The following TBXAS1 variants were observed in gnomAD, a reference collection of about 807,000 sequenced individuals.
TBXAS1 encodes thromboxane A synthase 1, also known as thromboxane-A synthase.
Under a neutral mutation model 60.7 loss-of-function variants are expected in TBXAS1, and 48 were observed. The observed-to-expected ratio is 0.79, with a 90% confidence interval of 0.63 to 1.01. The LOEUF (loss-of-function observed/expected upper bound fraction) is 1.01. Ranked by LOEUF, TBXAS1 falls within the 50% of genes least tolerant of loss-of-function variation. The pLI, the probability that TBXAS1 is intolerant of heterozygous loss-of-function variation, is 0.00. For synonymous variants in TBXAS1, 287 were observed against 269.7 expected (o/e 1.06, Z -0.63); for missense variants, 685 against 686.3 (o/e 1.00, Z 0.02).
At chr7:139,993,707 A>G (rs1813087784) in intron 9 of TBXAS1, among the ~76,000 whole-genome samples, 1 of 152,092 alleles carries the variant, frequency 6.6e-6, no homozygotes, top group Non-Finnish European at 1.5e-5. Flanking sequence ...AATGCAATGT[A>G]GCAGTGAGCA....
intron 4 of TBXAS1, among the ~76,000 whole-genome samples, chr7:139,925,927 T>A (rs1806841695): frequency 6.6e-6 from 1 of 152,224 alleles, no homozygotes; most frequent in Non-Finnish European, 1.5e-5. Flanking sequence ...ATTGATATGA[T>A]GTATCACATT....
chr7:139,959,910 C>G (rs552077731), intron 8 of TBXAS1, among the ~76,000 whole-genome samples: 82 of 152,236 alleles, frequency 5.4e-4, no homozygotes, highest in African/African-American at 1.7e-3. Flanking sequence ...CTTGCCTGAC[C>G]CTGCCCCAGC....
At chr7:139,963,016 C>G (rs771995439) in intron 9 of TBXAS1, 6 of 152,172 alleles carry the variant, frequency 3.9e-5, no homozygotes, top group Non-Finnish European at 8.8e-5. Flanking sequence ...TTACTGGAAC[C>G]ATTAAAAAAT....
intron 3 of TBXAS1, among the ~76,000 whole-genome samples, chr7:139,889,249 G>A (rs759750966): frequency 9.2e-5 from 14 of 151,624 alleles, no homozygotes; most frequent in African/African-American, 1.9e-4. Context: ...TAGGAGGATC[G>A]CTTGAGCCAG....
intron 3 of TBXAS1, among the ~76,000 whole-genome samples, chr7:139,884,812 G>C (rs1802956949): frequency 6.6e-6 from 1 of 152,224 alleles, no homozygotes; most frequent in Non-Finnish European, 1.5e-5. Flanking sequence ...AGGAGTCTAG[G>C]TAGTACAGCA....
chr7:139,911,123 CTAGT>C (rs1442370681), intron 3 of TBXAS1, 98 bp from the exon 4 acceptor site: 1 of 966,948 alleles, frequency 1.0e-6, no homozygotes, highest in Non-Finnish European at 1.7e-6. Flanking sequence ...CCTTTACTTC[CTAGT>C]TATCTTTTAT....
At chr7:139,802,645 T>C (rs1024895591) in intron 4 of TBXAS1, among the ~76,000 whole-genome samples, 5 of 152,016 alleles carry the variant, frequency 3.3e-5, no homozygotes, top group African/African-American at 1.2e-4. Flanking sequence ...ATTAGCTGGG[T>C]GTGGTGGCGT....
At chr7:140,019,346 G>A (rs1456756003) in intron 12 of TBXAS1, among the ~76,000 whole-genome samples, 3 of 152,296 alleles carry the variant, frequency 2.0e-5, no homozygotes, top group South Asian at 4.1e-4. Context: ...CCACGTGTGC[G>A]GGGCTTGTCT....
chr7:139,876,965 G>A (rs182742697), intron 3 of TBXAS1, among the ~76,000 whole-genome samples: 39 of 152,244 alleles, frequency 2.6e-4, no homozygotes, highest in Non-Finnish European at 3.1e-4. Context: ...GTGTAAGCTC[G>A]GCTGGCAGGT....
intron 4 of TBXAS1, among the ~76,000 whole-genome samples, chr7:139,792,947 A>T (rs1490187829): frequency 6.6e-6 from 1 of 152,250 alleles, no homozygotes; most frequent in Non-Finnish European, 1.5e-5. Context: ...AAGTAGGGTC[A>T]TGTGGCTGTT....
intron 4 of TBXAS1, among the ~76,000 whole-genome samples, chr7:139,806,408 G>A (rs148222705): frequency 0.014 from 2,194 of 151,640 alleles, 50 homozygotes; most frequent in African/African-American, 0.05. Flanking sequence ...GATTACAGGC[G>A]CGCTCTACCA....
chr7:139,853,738 C>T (rs1257772045), intron 1 of TBXAS1, among the ~76,000 whole-genome samples: 1 of 152,086 alleles, frequency 6.6e-6, no homozygotes, highest in African/African-American at 2.4e-5. Context: ...TCTTTAAGGA[C>T]TTCATAAAAA....
intron 8 of TBXAS1, among the ~76,000 whole-genome samples, chr7:139,961,444 G>GC (rs1358439213): frequency 6.6e-6 from 1 of 152,122 alleles, no homozygotes; most frequent in East Asian, 1.9e-4. Flanking sequence ...AAAAATAAAA[G>GC]CCCCCCTCCT....
At chr7:139,809,237 A>AGATAGATAGATAGAT (rs1569493090) in intron 4 of TBXAS1, among the ~76,000 whole-genome samples, 8 of 38,852 alleles carry the variant, frequency 2.1e-4, no homozygotes, top group Admixed American at 1.2e-3. Flanking sequence ...GATAGATGAT[A>AGATAGATAGATAGAT]GATAGATAGA....
intron 3 of TBXAS1, among the ~76,000 whole-genome samples, chr7:139,904,447 A>G (rs761096898): frequency 2.0e-5 from 3 of 150,908 alleles, no homozygotes; most frequent in Non-Finnish European, 4.4e-5. Context: ...TTGGTTCCAT[A>G]TGCATTTTAG....
chr7:139,998,040 T>A (rs973578336), intron 9 of TBXAS1, among the ~76,000 whole-genome samples: 1 of 152,158 alleles, frequency 6.6e-6, no homozygotes. Flanking sequence ...CACCAAATCA[T>A]GAGGATGAAC....
rs1050827164 is a variant in TBXAS1, at chr7:140,004,685, C to T, written c.1135-2406C>T. Among the ~76,000 whole-genome samples, 5 of 152,196 alleles carry T rather than the reference C, an allele frequency of 3.3e-5. No individual in the cohort carries two copies. The highest frequency in any genetic ancestry group is 6.5e-5 in the Admixed American group (1 of 15,284). ...CAGCCACCAGACACATGCACTGAGA[C>T]CCAGCCAGGGAGGCAGGATCTAGGG... On this transcript the variant is annotated intron_variant, in intron 9 of 12. Transcript: ENST00000448866. The surrounding 1 kb of genome is among the most constrained non-coding windows in gnomAD (Gnocchi z 5.1).
At chr7:139,973,038 G>A (rs1165443862) in intron 9 of TBXAS1, among the ~76,000 whole-genome samples, 1 of 151,928 alleles carries the variant, frequency 6.6e-6, no homozygotes, top group Non-Finnish European at 1.5e-5. Context: ...CACTGCGTGG[G>A]GAGATGGAGG....
At chr7:139,779,272 C>G (rs1166959564) in intron 1 of TBXAS1, among the ~76,000 whole-genome samples, 1 of 152,192 alleles carries the variant, frequency 6.6e-6, no homozygotes, top group Non-Finnish European at 1.5e-5. Context: ...ATCCTTCAGT[C>G]CTTCCCAAAA....
Sources: gnomAD v4.1 joint callset for allele counts (sites outside exome capture counted in the v4.1 genomes callset) on GRCh38, gnomAD v4.1.1 for gene constraint, Gnocchi (gnomAD v3.1) non-coding constraint, MANE v1.5 for transcripts, NCBI Gene and HGNC (gene_info 2026-07-23, HGNC 2026-07-21) for gene names.